Variants in C16orf74 observed in about 807,000 individuals in gnomAD.
C16orf74 encodes calcimembrin.
In C16orf74, 10 loss-of-function variants were observed where a neutral mutation model predicts 6.5. That is an observed-to-expected ratio of 1.54 (90% CI 0.95 to 2.61). The LOEUF is 2.61. Ranked by LOEUF, C16orf74 falls within the 30% of genes most tolerant of loss-of-function variation. C16orf74 has a pLI of 0.00. For synonymous variants in C16orf74, 60 were observed against 42.5 expected (o/e 1.41, Z -1.60); for missense variants, 141 against 105.9 (o/e 1.33, Z -1.45).
chr16:85,710,649 G>C, intron 2 of C16orf74: 1 of 259,168 alleles, frequency 3.9e-6, no homozygotes, highest in Non-Finnish European at 7.3e-6. Flanking sequence ...TCTCCACAGC[G>C]CTCCAGCCTC....
intron 2 of C16orf74, among the ~76,000 whole-genome samples, chr16:85,732,773 G>A (rs1001055558): frequency 2.0e-5 from 3 of 152,114 alleles, no homozygotes; most frequent in South Asian, 2.1e-4. Flanking sequence ...CAGGCTGGGC[G>A]AGTGGGGGTG....
At chr16:85,737,300 G>C (rs114452351) in intron 1 of C16orf74, among the ~76,000 whole-genome samples, 3,131 of 152,268 alleles carry the variant, frequency 0.021, 102 homozygotes, top group African/African-American at 0.072. Context: ...TGCATGCAGA[G>C]TCTCAGGCCC....
intron 3 of C16orf74, among the ~76,000 whole-genome samples, chr16:85,709,940 G>A (rs1039416126): frequency 2.0e-5 from 3 of 152,266 alleles, no homozygotes; most frequent in African/African-American, 7.2e-5. Context: ...GCTGCTGGCA[G>A]GGGCTGTCTA....
chr16:85,718,775 A>G (rs555261117), intron 2 of C16orf74, among the ~76,000 whole-genome samples: 1 of 152,354 alleles, frequency 6.6e-6, no homozygotes, highest in South Asian at 2.1e-4. Context: ...AGTTGATGCT[A>G]AGCTTAGATC....
intron 3 of C16orf74, among the ~76,000 whole-genome samples, chr16:85,708,816 T>C (rs144706972): frequency 6.6e-6 from 1 of 152,124 alleles, no homozygotes; most frequent in African/African-American, 2.4e-5. Context: ...GAAGGGTCTA[T>C]GGATTCCCCC....
chr16:85,739,087 C>A (rs1444512811), intron 1 of C16orf74, among the ~76,000 whole-genome samples: 1 of 152,116 alleles, frequency 6.6e-6, no homozygotes. Flanking sequence ...TCATCTCCAT[C>A]CCTCATCAAT....
chr16:85,738,766 G>C lies in C16orf74; in HGVS notation c.-18-3531C>G, dbSNP rs1489962796. On this transcript the variant is annotated intron_variant, in intron 1 of 3. Transcript: ENST00000284245. ...ACGGAGGGCCCAGGCCTGTGGGAGC[G>C]ACAGGCACATTTCCTGGCACTCACC... 2.0e-5 allele frequency among the ~76,000 whole-genome samples: 3 copies of C among 151,874 alleles called. No homozygotes were observed. In the South Asian group the frequency reaches 6.3e-4, roughly 32 times the overall value.
At chr16:85,719,515 C>A (rs938678848) in intron 2 of C16orf74, among the ~76,000 whole-genome samples, 5 of 152,080 alleles carry the variant, frequency 3.3e-5, no homozygotes, top group African/African-American at 9.7e-5. Flanking sequence ...ATCTTCCAGA[C>A]GGGCACACTG....
At chr16:85,732,789 G>A (rs1009336696) in intron 2 of C16orf74, among the ~76,000 whole-genome samples, 2 of 152,174 alleles carry the variant, frequency 1.3e-5, no homozygotes, top group Non-Finnish European at 2.9e-5. Context: ...GGGTGGGCAG[G>A]GGCCGGCAGC....
In C16orf74 at chr16:85,708,040, G is replaced by A. The variant is rs763953882; in HGVS notation, c.199C>T (p.Pro67Ser). 1.3e-6 allele frequency: 2 copies of A among 1,553,506 alleles called. No homozygotes were observed. Among genetic ancestry groups the A allele is most frequent in the East Asian group, 2.4e-5 (1 of 41,044 alleles). The change falls in exon 4 of 4, where the codon CCA becomes TCA. Residue 67 changes from proline (P) to serine (S), a missense_variant. Physicochemically the swap from Pro to Ser is moderately conservative, Grantham distance 74. Transcript: ENST00000284245. ...TCTGGGTCGATTTCTCCATCATCTGGGCACGACCCTGTCTCATCCAGCCAG... is the reference window on the plus strand; with the variant it reads ...TCTGGGTCGATTTCTCCATCATCTGAGCACGACCCTGTCTCATCCAGCCAG... ...TVWLDETGSC[P>S]DDGEIDPEA
At chr16:85,737,014 G>A (rs558757691) in intron 1 of C16orf74, among the ~76,000 whole-genome samples, 1 of 152,196 alleles carries the variant, frequency 6.6e-6, no homozygotes, top group East Asian at 1.9e-4. Context: ...CTGCACTGCA[G>A]CCTGGGCGAC....
At chr16:85,738,746 G>C (rs896683982) in intron 1 of C16orf74, among the ~76,000 whole-genome samples, 3 of 151,912 alleles carry the variant, frequency 2.0e-5, no homozygotes, top group African/African-American at 7.3e-5. Flanking sequence ...GAGGGACGGA[G>C]GGCCCAGGCC....
At chr16:85,749,269 CATTTTTATT>C (rs1172121633) in intron 1 of C16orf74, among the ~76,000 whole-genome samples, 2 of 152,100 alleles carry the variant, frequency 1.3e-5, no homozygotes, top group Non-Finnish European at 2.9e-5. Context: ...TCTGTTTCCT[CATTTTTATT>C]TTTTAATTTA....
chr16:85,719,841 C>T (rs530889887), intron 2 of C16orf74, among the ~76,000 whole-genome samples: 9 of 144,028 alleles, frequency 6.2e-5, no homozygotes, highest in Non-Finnish European at 8.9e-5. Flanking sequence ...ATAGGGGCCA[C>T]AGGCCACAGC....
chr16:85,711,637 A>G (rs1217326680), intron 2 of C16orf74, among the ~76,000 whole-genome samples: 1 of 151,908 alleles, frequency 6.6e-6, no homozygotes, highest in African/African-American at 2.4e-5. Context: ...AAAAAAAAAA[A>G]AAAAAAAAAT....
At chr16:85,739,742 C>T (rs1052186138) in intron 1 of C16orf74, among the ~76,000 whole-genome samples, 7 of 152,038 alleles carry the variant, frequency 4.6e-5, no homozygotes, top group African/African-American at 1.7e-4. Context: ...GTGGAGGCTA[C>T]AGTGAGACGT....
chr16:85,751,059 G>A lies in C16orf74; in HGVS notation c.-152C>T, dbSNP rs899824549. ...CGAGCCTGCAAGACAGAGCAGCGGG[G>A]GTCATGGCCCGGCCGGCGCTCGGGC... On this transcript the variant is annotated 5_prime_UTR_variant, in exon 1 of 4. Coordinates refer to ENST00000284245, the MANE Select transcript of C16orf74 (RefSeq NM_206967.3). 6.7e-6 allele frequency: 1 copy of A among 148,664 alleles called. No homozygotes were observed. Among genetic ancestry groups the A allele is most frequent in the Non-Finnish European group, 1.5e-5 (1 of 66,686 alleles). The allele number at this position is 148,664 out of a possible 1,614,324, so 9.2% of individuals were successfully genotyped here.
chr16:85,746,912 T>C (rs985746731), intron 1 of C16orf74, among the ~76,000 whole-genome samples: 1 of 152,232 alleles, frequency 6.6e-6, no homozygotes, highest in Non-Finnish European at 1.5e-5. Flanking sequence ...TGGGAAGCGA[T>C]ACTGCAAGCA....
intron 2 of C16orf74, among the ~76,000 whole-genome samples, chr16:85,725,598 T>C (rs2054124974): frequency 6.6e-6 from 1 of 152,192 alleles, no homozygotes; most frequent in Non-Finnish European, 1.5e-5. Flanking sequence ...TTTCTTCTTT[T>C]TTGAGACAGG....
Sources: gnomAD v4.1 joint callset for allele counts (sites outside exome capture counted in the v4.1 genomes callset) on GRCh38, gnomAD v4.1.1 for gene constraint, MANE v1.5 for transcripts, NCBI Gene and HGNC (gene_info 2026-07-23, HGNC 2026-07-21) for gene names.